Variants in PDZRN3 observed in about 807,000 individuals in gnomAD.
PDZRN3 encodes the protein PDZ domain containing ring finger 3, also known as E3 ubiquitin-protein ligase PDZRN3.
In PDZRN3, 38 loss-of-function variants were observed where a neutral mutation model predicts 85.7. The observed-to-expected ratio is 0.44, with a 90% CI of 0.34 to 0.58. The LOEUF (loss-of-function observed/expected upper bound fraction) is 0.58. Ranked by LOEUF, PDZRN3 falls within the 20% of genes least tolerant of loss-of-function variation. The pLI, the probability that PDZRN3 is intolerant of heterozygous loss-of-function variation, is 0.01. For missense variants in PDZRN3, 1,629 were observed against 1,506.4 expected (o/e 1.08, Z -1.35); for synonymous variants, 759 against 638.0 (o/e 1.19, Z -2.86).
intron 3 of PDZRN3, among the ~76,000 whole-genome samples, chr3:73,580,612 G>A (rs1702186659): frequency 6.6e-6 from 1 of 152,220 alleles, no homozygotes; most frequent in African/African-American, 2.4e-5. Context: ...ATAAAGAGGA[G>A]AAGGCTGCAC....
intron 3 of PDZRN3, among the ~76,000 whole-genome samples, chr3:73,490,864 A>G (rs1298385432): frequency 6.6e-6 from 1 of 152,222 alleles, no homozygotes; most frequent in African/African-American, 2.4e-5. Flanking sequence ...GCTGGCTGCC[A>G]AAGAAAACAG....
At chr3:73,609,906 A>T (rs911708922) in intron 1 of PDZRN3, among the ~76,000 whole-genome samples, 4 of 152,186 alleles carry the variant, frequency 2.6e-5, no homozygotes, top group African/African-American at 7.2e-5. Flanking sequence ...ATTTATTGCT[A>T]TGGCTGTCAA....
chr3:73,507,393 C>T (rs923445479), intron 3 of PDZRN3, among the ~76,000 whole-genome samples: 1 of 152,188 alleles, frequency 6.6e-6, no homozygotes, highest in Admixed American at 6.5e-5. Flanking sequence ...CTGGTCTCAA[C>T]TCCTGACCTC....
intron 3 of PDZRN3, among the ~76,000 whole-genome samples, chr3:73,540,384 G>A (rs1006693524): frequency 3.3e-5 from 5 of 152,066 alleles, no homozygotes; most frequent in Non-Finnish European, 7.4e-5. Flanking sequence ...GGGAAATAAG[G>A]GAACTACCCT....
At position 73,555,481 on chromosome 3, in the gene PDZRN3, T is replaced by A. The variant is rs146529576; in HGVS notation, c.918+46873A>T. On this transcript the variant is annotated intron_variant, in intron 3 of 9. Coordinates refer to ENST00000263666, the MANE Select transcript of PDZRN3 (RefSeq NM_015009.3). The stretch of plus-strand genomic sequence containing the variant: ...GAAAGAATCCAACTCTCTGAAGTAA[T>A]TAAAACTTTCCCACTGACATTTTGT... Among the ~76,000 whole-genome samples the A allele has an allele frequency of 3.5e-4, 53 of 152,312 alleles. 1 individual carries two copies. In the East Asian group the frequency reaches 7.9e-3, roughly 23 times the overall value.
intron 3 of PDZRN3, among the ~76,000 whole-genome samples, chr3:73,538,084 G>A (rs1036159396): frequency 1.3e-5 from 2 of 152,140 alleles, no homozygotes; most frequent in Non-Finnish European, 2.9e-5. Context: ...ACTCCATGGA[G>A]CACATTTACA....
At chr3:73,419,228 G>T (rs1283701296) in intron 3 of PDZRN3, among the ~76,000 whole-genome samples, 1 of 152,188 alleles carries the variant, frequency 6.6e-6, no homozygotes. Context: ...TTCAGAGAGA[G>T]AGAGGGGAGT....
intron 3 of PDZRN3, among the ~76,000 whole-genome samples, chr3:73,590,854 A>G (rs1702348128): frequency 6.6e-6 from 1 of 152,196 alleles, no homozygotes; most frequent in African/African-American, 2.4e-5. Context: ...ATGCTGCAAC[A>G]CAATCATACT....
At chr3:73,525,065 T>A (rs1256628171) in intron 3 of PDZRN3, among the ~76,000 whole-genome samples, 3 of 150,024 alleles carry the variant, frequency 2.0e-5, no homozygotes, top group African/African-American at 7.3e-5. Context: ...ATTTCTTTTT[T>A]AAATATTGCC....
intron 1 of PDZRN3, among the ~76,000 whole-genome samples, chr3:73,615,518 A>C (rs1397360236): frequency 6.6e-6 from 1 of 152,038 alleles, no homozygotes; most frequent in Admixed American, 6.5e-5. Flanking sequence ...GGCCTTTGGG[A>C]CGTGATTAGG....
intron 3 of PDZRN3, among the ~76,000 whole-genome samples, chr3:73,405,944 C>T (rs1215038850): frequency 6.6e-6 from 1 of 152,154 alleles, no homozygotes; most frequent in African/African-American, 2.4e-5. Context: ...AACTCTTAGG[C>T]TGAAGTGCGT....
At chr3:73,463,161 T>C (rs1319415138) in intron 3 of PDZRN3, among the ~76,000 whole-genome samples, 3 of 152,178 alleles carry the variant, frequency 2.0e-5, no homozygotes, top group Non-Finnish European at 4.4e-5. Context: ...GCCAAATTCC[T>C]GCTTTCCCAG....
chr3:73,392,072 CTG>C (rs1701540096), intron 5 of PDZRN3, among the ~76,000 whole-genome samples: 1 of 152,228 alleles, frequency 6.6e-6, no homozygotes. Context: ...GAGAATGCAG[CTG>C]TCTATGCGGA....
intron 4 of PDZRN3, among the ~76,000 whole-genome samples, chr3:73,401,433 TCTGAGATCAGTTCAAAAGG>T (rs541181001): frequency 1.9e-3 from 291 of 152,208 alleles, no homozygotes; most frequent in Non-Finnish European, 3.2e-3. Flanking sequence ...TGTGCTGGCC[TCTGAGATCAGTTCAAAAGG>T]CTGAGAATGA....
At chr3:73,550,534 T>C (rs1056082027) in intron 3 of PDZRN3, among the ~76,000 whole-genome samples, 6 of 152,194 alleles carry the variant, frequency 3.9e-5, no homozygotes, top group Admixed American at 3.3e-4. Context: ...AAAGGCAAAA[T>C]TGAAAACCAC....
rs543177836 is a variant in PDZRN3, at chr3:73,615,090, G to GA, written c.724-6407dup. 5.3e-4 allele frequency among the ~76,000 whole-genome samples: 79 copies of GA among 150,128 alleles called. No individual in the cohort carries two copies. In the South Asian group the frequency reaches 0.011, roughly 20 times the overall value. On this transcript the variant is annotated intron_variant, in intron 1 of 9. Transcript: ENST00000263666. ...GACAAAGGGCATGGGGGAACAGGTAGAAAAAAAAACAAGAGCTTTTCCAGA... is the reference window on the plus strand; with the variant it reads ...GACAAAGGGCATGGGGGAACAGGTAGAAAAAAAAAACAAGAGCTTTTCCAGA...
intron 3 of PDZRN3, among the ~76,000 whole-genome samples, chr3:73,600,058 C>A (rs1198403962): frequency 1.3e-5 from 2 of 152,068 alleles, no homozygotes; most frequent in African/African-American, 2.4e-5. Flanking sequence ...TATAAAAAAA[C>A]AGGGAGGAGC....
intron 3 of PDZRN3, among the ~76,000 whole-genome samples, chr3:73,497,811 G>GCCCCCCC (rs560413469): frequency 6.8e-6 from 1 of 146,264 alleles, no homozygotes; most frequent in African/African-American, 2.7e-5. Flanking sequence ...CCCCGTCCCC[G>GCCCCCCC]CCCCCGCCAA....
intron 3 of PDZRN3, among the ~76,000 whole-genome samples, chr3:73,426,797 C>T (rs987653943): frequency 1.3e-5 from 2 of 152,072 alleles, no homozygotes; most frequent in Non-Finnish European, 2.9e-5. Flanking sequence ...TGGGGCGGGG[C>T]CTGAGAAAGT....
Sources: allele counts gnomAD v4.1 joint callset (sites outside exome capture counted in the v4.1 genomes callset), GRCh38; gene constraint gnomAD v4.1.1; transcripts MANE v1.5; gene names NCBI Gene and HGNC (gene_info 2026-07-23, HGNC 2026-07-21).